DAB1: variants seen among roughly 807,000 people sequenced by gnomAD.
DAB1 encodes disabled homolog 1.
In DAB1, 15 loss-of-function variants were observed where a neutral mutation model predicts 64.6. The ratio of observed to expected loss-of-function variants is 0.23; its 90% CI spans 0.16 to 0.36. The LOEUF (loss-of-function observed/expected upper bound fraction) is 0.36. DAB1 is among the 10% of genes least tolerant of loss of function. DAB1 has a pLI of 1.00. For missense variants in DAB1, 596 were observed against 706.7 expected, an observed-to-expected ratio of 0.84 and a Z score of 1.78; for synonymous variants, 235 against 251.9, an observed-to-expected ratio of 0.93 and a Z score of 0.64.
chr1:57,970,192 G>A (rs181399441), intron 5 of DAB1, among the ~76,000 whole-genome samples: 2 of 152,120 alleles, frequency 1.3e-5, no homozygotes, highest in South Asian at 2.1e-4. Flanking sequence ...ATAAGCCATC[G>A]TGTCTATGGT....
At position 58,539,033 on chromosome 1, in the gene DAB1, TA is replaced by T. The variant is rs1316976860; in HGVS notation, n.32+7669del. 3 of 872,734 alleles carry T rather than the reference TA, an allele frequency of 3.4e-6. No individual in the cohort carries two copies. The African/African-American group carries it at 4.9e-5, about 14-fold the overall frequency. The allele number at this position is 872,734 out of a possible 1,614,324, so 54.1% of individuals were successfully genotyped here. A position where few individuals can be genotyped will look rare whatever the true frequency, so the allele number is the denominator to read the frequency against. On this transcript the variant is annotated intron_variant and non_coding_transcript_variant, in intron 1 of 20. Coordinates refer to the DAB1 transcript ENST00000485760. ...TTGCTGGTAATCCTCCAAATTTCCT[TA>T]CTTTTGGTACTTGAGAGGCCTCCTG...
chr1:58,504,321 C>T (rs1340176890), intron 3 of DAB1, among the ~76,000 whole-genome samples: 2 of 152,170 alleles, frequency 1.3e-5, no homozygotes, highest in African/African-American at 4.8e-5. Context: ...ACACATCAAA[C>T]ATACGCTGAC....
At chr1:57,703,942 A>T (rs1464835878) in intron 6 of DAB1, among the ~76,000 whole-genome samples, 1 of 152,146 alleles carries the variant, frequency 6.6e-6, no homozygotes, top group Admixed American at 6.6e-5. Context: ...AGGAACAGAA[A>T]ACCAAGTACT....
intron 7 of DAB1, among the ~76,000 whole-genome samples, chr1:57,558,620 A>G (rs1645016728): frequency 6.6e-6 from 1 of 152,224 alleles, no homozygotes; most frequent in African/African-American, 2.4e-5. Flanking sequence ...TGGAAGGAAC[A>G]TAGAGTTGGA....
chr1:58,084,911 A>G (rs1484233419), intron 5 of DAB1, among the ~76,000 whole-genome samples: 1 of 152,102 alleles, frequency 6.6e-6, no homozygotes, highest in Non-Finnish European at 1.5e-5. Flanking sequence ...CTGGAGAAAC[A>G]TGTTTGGAAA....
intron 1 of DAB1, among the ~76,000 whole-genome samples, chr1:57,303,708 A>G (rs1200849449): frequency 6.6e-6 from 1 of 152,144 alleles, no homozygotes; most frequent in East Asian, 1.9e-4. Flanking sequence ...GGAAAGAGAG[A>G]GATCATTTTC....
chr1:58,181,547 T>C (rs1477025446), intron 4 of DAB1, among the ~76,000 whole-genome samples: 2 of 152,108 alleles, frequency 1.3e-5, no homozygotes, highest in African/African-American at 4.8e-5. Context: ...AAGATAGATA[T>C]TTTCTTCTGT....
At chr1:57,406,242 A>G (rs1406358973) in intron 1 of DAB1, among the ~76,000 whole-genome samples, 1 of 152,228 alleles carries the variant, frequency 6.6e-6, no homozygotes, top group East Asian at 1.9e-4. Context: ...TTAATGCATG[A>G]AAGACTCACC....
intron 7 of DAB1, among the ~76,000 whole-genome samples, chr1:57,610,877 A>G (rs1341979764): frequency 1.3e-5 from 2 of 152,170 alleles, no homozygotes; most frequent in Non-Finnish European, 2.9e-5. Flanking sequence ...GCCAAACCAT[A>G]TCAGTCTTGC....
chr1:57,538,101 T>C (rs114851710), intron 7 of DAB1, among the ~76,000 whole-genome samples: 323 of 152,254 alleles, frequency 2.1e-3, no homozygotes, highest in African/African-American at 7.2e-3. Flanking sequence ...GGATCAAATT[T>C]CAACATGAGG....
chr1:58,277,482 C>T (rs17117233), intron 4 of DAB1, among the ~76,000 whole-genome samples: 37,873 of 152,062 alleles, frequency 0.25, 5,307 homozygotes, highest in East Asian at 0.44. Context: ...AGCATTTCTG[C>T]ACTGGGAAAC....
rs191491504 is a variant in DAB1 at position 57,450,124 on chromosome 1, T to A, written n.626-158958A>T. ...ATTTATGCTTCTGAAATCCTTTCTG[T>A]AAGGCACAAAGCCTTGCTATTATTG... is the stretch of plus-strand genomic sequence containing the variant. On this transcript the variant is annotated intron_variant and non_coding_transcript_variant, in intron 7 of 20. Transcript: ENST00000485760. Among the ~76,000 whole-genome samples the A allele has an allele frequency of 2.2e-3, 337 of 152,374 alleles. 2 individuals carry two copies. The highest frequency in any genetic ancestry group is 7.5e-3 in the African/African-American group (313 of 41,588).
intron 4 of DAB1, among the ~76,000 whole-genome samples, chr1:58,312,017 C>T (rs1052843174): frequency 6.6e-6 from 1 of 152,110 alleles, no homozygotes; most frequent in African/African-American, 2.4e-5. Context: ...AGTGCATTAG[C>T]ATCTAACCAC....
chr1:58,104,700 C>G (rs1651533254), intron 5 of DAB1, among the ~76,000 whole-genome samples: 1 of 152,042 alleles, frequency 6.6e-6, no homozygotes, highest in African/African-American at 2.4e-5. Flanking sequence ...ATGAGGGAGA[C>G]AGATGAGATA....
intron 6 of DAB1, among the ~76,000 whole-genome samples, chr1:57,666,273 C>A (rs531102174): frequency 4.7e-4 from 72 of 152,036 alleles, no homozygotes; most frequent in Non-Finnish European, 8.7e-4. Flanking sequence ...ACGAGGGTGA[C>A]CATAATGAAC....
intron 7 of DAB1, among the ~76,000 whole-genome samples, chr1:57,530,402 T>C (rs887274895): frequency 1.3e-5 from 2 of 152,154 alleles, no homozygotes; most frequent in Non-Finnish European, 2.9e-5. Flanking sequence ...TGAACCAATA[T>C]GGATTGTATG....
chr1:57,708,314 T>C (rs919403739), intron 6 of DAB1, among the ~76,000 whole-genome samples: 1 of 152,332 alleles, frequency 6.6e-6, no homozygotes, highest in South Asian at 2.1e-4. Flanking sequence ...TTTATTTTAC[T>C]GTGGCTGGGC....
intron 5 of DAB1, among the ~76,000 whole-genome samples, chr1:57,889,102 GC>G (rs1026027199): frequency 3.9e-5 from 6 of 152,196 alleles, no homozygotes; most frequent in African/African-American, 1.4e-4. Flanking sequence ...CCTTTCACGA[GC>G]TTGAGTTTCC....
chr1:57,726,034 G>A (rs2101765830), intron 6 of DAB1, among the ~76,000 whole-genome samples: 1 of 152,200 alleles, frequency 6.6e-6, no homozygotes, highest in East Asian at 1.9e-4. Flanking sequence ...GATTACAGGT[G>A]GGAGCCACCG....
Sources: allele counts gnomAD v4.1 joint callset (sites outside exome capture counted in the v4.1 genomes callset), GRCh38; gene constraint gnomAD v4.1.1; transcripts MANE v1.5; gene names NCBI Gene and HGNC (gene_info 2026-07-23, HGNC 2026-07-21).